FBXO36: variants seen among roughly 807,000 people sequenced by gnomAD.
FBXO36 encodes the protein F-box only protein 36.
FBXO36 carries 18 observed loss-of-function variants against 17.0 expected under a neutral mutation model. That is an observed-to-expected ratio of 1.06 (90% CI 0.73 to 1.57). The LOEUF is 1.57. Ranked by LOEUF, FBXO36 falls within the 40% of genes most tolerant of loss-of-function variation. The probability of loss-of-function intolerance (pLI) is 0.00; values close to 1 mark genes in which losing one functional copy is unlikely to be tolerated. For synonymous variants in FBXO36, 83 were observed against 85.3 expected (o/e 0.97, Z 0.15); for missense variants, 229 against 221.9 (o/e 1.03, Z -0.20).
intron 3 of FBXO36, among the ~76,000 whole-genome samples, chr2:229,999,673 G>A (rs1011415215): frequency 6.6e-6 from 1 of 151,548 alleles, no homozygotes. Flanking sequence ...CCACCTTCCT[G>A]TCCAAATATA....
intron 1 of FBXO36, chr2:229,939,379 G>A (rs1337265960): frequency 2.0e-6 from 1 of 508,364 alleles, no homozygotes; most frequent in African/African-American, 2.1e-5. Context: ...CTGTATTAAA[G>A]TATCTCTTCA....
At chr2:229,990,963 T>C (rs545441704) in intron 2 of FBXO36, among the ~76,000 whole-genome samples, 20 of 150,502 alleles carry the variant, frequency 1.3e-4, no homozygotes, top group African/African-American at 4.9e-4. Context: ...CCGCCCCGAG[T>C]TGGGAGTCTC....
intron 1 of FBXO36, among the ~76,000 whole-genome samples, 199 bp from the exon 2 acceptor site, chr2:229,976,042 A>T (rs982487077): frequency 1.3e-5 from 2 of 152,174 alleles, no homozygotes. Context: ...TTCTAGCACT[A>T]TGGTTTTGTG....
At chr2:229,995,269 C>A (rs1008003922) in intron 2 of FBXO36, among the ~76,000 whole-genome samples, 8 of 152,200 alleles carry the variant, frequency 5.3e-5, no homozygotes, top group African/African-American at 1.9e-4. Flanking sequence ...ATCTATCCTT[C>A]CAAACAAGTT....
intron 1 of FBXO36, chr2:229,932,626 C>T (rs1577326317): frequency 2.0e-5 from 3 of 150,068 alleles, no homozygotes; most frequent in East Asian, 4.0e-4. Flanking sequence ...TGCAGTGAGC[C>T]GAGATCGCAC....
chr2:229,934,224 A>C (rs537421984), intron 1 of FBXO36, among the ~76,000 whole-genome samples: 10 of 151,210 alleles, frequency 6.6e-5, no homozygotes, highest in African/African-American at 2.2e-4. Context: ...ACACGGTGAA[A>C]CCCCGTCTCT....
chr2:229,973,253 T>C (rs940938853), intron 1 of FBXO36: 1 of 151,982 alleles, frequency 6.6e-6, no homozygotes, highest in African/African-American at 2.4e-5. Flanking sequence ...AATACAGGGT[T>C]TTATCACTTA....
chr2:229,950,376 A>T (rs2077051302), intron 1 of FBXO36, among the ~76,000 whole-genome samples: 1 of 152,182 alleles, frequency 6.6e-6, no homozygotes, highest in Non-Finnish European at 1.5e-5. Flanking sequence ...CAGTGAGCCG[A>T]GATCACTCCA....
chr2:229,969,441 C>G (rs1007828738), intron 1 of FBXO36, among the ~76,000 whole-genome samples: 3 of 151,578 alleles, frequency 2.0e-5, no homozygotes, highest in African/African-American at 7.3e-5. Context: ...GTAATCCCAG[C>G]ACTCTGGGAG....
intron 1 of FBXO36, among the ~76,000 whole-genome samples, chr2:229,971,902 T>C (rs566817370): frequency 5.3e-4 from 81 of 151,776 alleles, no homozygotes; most frequent in African/African-American, 1.9e-3. Context: ...TGTTTTGAAC[T>C]CCTGGGCCCA....
In FBXO36 at chr2:230,012,168, G is replaced by A. The variant is rs1468429547; in HGVS notation, c.*1284G>A. On this transcript the variant is annotated 3_prime_UTR_variant, in exon 4 of 4. Transcript: ENST00000283946. ...CTCCGGTGCCAGAGAAACTTCCCAG[G>A]ATGCACTAGGGCCCTGTGAACAATA... 3 of 151,932 alleles carry A rather than the reference G, an allele frequency of 2.0e-5. No individual in the cohort carries two copies. The highest frequency in any genetic ancestry group is 6.6e-5 in the Admixed American group (1 of 15,250). The allele number at this position is 151,932 out of a possible 1,614,324, so 9.4% of individuals were successfully genotyped here.
chr2:229,960,517 G>T (rs942749847), intron 1 of FBXO36, among the ~76,000 whole-genome samples: 4 of 151,904 alleles, frequency 2.6e-5, no homozygotes, highest in African/African-American at 9.7e-5. Flanking sequence ...TTGGGATAGG[G>T]TGTCACTCTG....
chr2:229,987,383 CATG>C (rs2077274511), intron 2 of FBXO36, among the ~76,000 whole-genome samples: 1 of 151,998 alleles, frequency 6.6e-6, no homozygotes, highest in Admixed American at 6.6e-5. Context: ...TTTTTCATTC[CATG>C]ATAATGGTAA....
chr2:229,955,274 G>T (rs1028852364), intron 1 of FBXO36, among the ~76,000 whole-genome samples: 2 of 152,118 alleles, frequency 1.3e-5, no homozygotes, highest in African/African-American at 4.8e-5. Flanking sequence ...CAGGCATGGT[G>T]GCTTATACCT....
At chr2:229,975,644 A>T (rs903224660) in intron 1 of FBXO36, among the ~76,000 whole-genome samples, 1 of 151,326 alleles carries the variant, frequency 6.6e-6, no homozygotes, top group South Asian at 2.1e-4. Flanking sequence ...CAGCTCATTT[A>T]AAAAAATTTT....
intron 1 of FBXO36, among the ~76,000 whole-genome samples, chr2:229,925,232 A>AATCC (rs2076906272): frequency 6.6e-6 from 1 of 152,156 alleles, no homozygotes; most frequent in Non-Finnish European, 1.5e-5. Context: ...ATGCTGAATA[A>AATCC]ATCCACTACA....
At chr2:229,960,324 G>A (rs1468243529) in intron 1 of FBXO36, among the ~76,000 whole-genome samples, 1 of 151,780 alleles carries the variant, frequency 6.6e-6, no homozygotes, top group East Asian at 1.9e-4. Flanking sequence ...ACTACATACA[G>A]GCCCACGGCA....
intron 1 of FBXO36, among the ~76,000 whole-genome samples, chr2:229,962,864 A>G (rs996172699): frequency 2.6e-5 from 4 of 152,044 alleles, no homozygotes; most frequent in Middle Eastern, 3.4e-3. Context: ...TTTAGTAGAG[A>G]CAGGGTTTCA....
intron 2 of FBXO36, among the ~76,000 whole-genome samples, chr2:229,995,597 T>C (rs1436510799): frequency 2.9e-5 from 4 of 138,674 alleles, no homozygotes; most frequent in African/African-American, 8.3e-5. Flanking sequence ...TCTTTCTTTC[T>C]TTTTTTTTTT....
Sources: allele counts gnomAD v4.1 joint callset (sites outside exome capture counted in the v4.1 genomes callset), GRCh38; gene constraint gnomAD v4.1.1; transcripts MANE v1.5; gene names NCBI Gene and HGNC (gene_info 2026-07-23, HGNC 2026-07-21).